The following RBBP4 variants were observed in gnomAD, a reference collection of about 807,000 sequenced individuals.
RBBP4 encodes RB binding protein 4, chromatin remodeling factor.
In RBBP4, 3 loss-of-function variants were observed where a neutral mutation model predicts 57.2. The observed-to-expected ratio is 0.05, with a 90% CI of 0.02 to 0.14. The LOEUF is 0.14. Among genes scored for constraint, RBBP4 ranks in the 10% least tolerant of loss-of-function variants. The pLI is 1.00. For missense variants in RBBP4, 107 were observed against 520.6 expected, an observed-to-expected ratio of 0.21 and a Z score of 7.73; for synonymous variants, 151 against 171.5, an observed-to-expected ratio of 0.88 and a Z score of 0.93.
chr1:32,678,592 TTTTTTTTTTTTTTTTG>T (rs1270778902), intron 11 of RBBP4, among the ~76,000 whole-genome samples: 33 of 103,712 alleles, frequency 3.2e-4, no homozygotes, highest in East Asian at 1.1e-3. Context: ...TTTTTTTTTT[TTTTTTTTTTTTTTTTG>T]GCACACAGTC....
chr1:32,651,814 C>T (rs575194124), intron 1 of RBBP4, 100 bp from the exon 2 acceptor site: 3 of 1,335,656 alleles, frequency 2.2e-6, no homozygotes, highest in African/African-American at 2.9e-5. Flanking sequence ...AAATCACCTC[C>T]ATTTCATGGT....
chr1:32,658,918 CAA>C (rs1193884605), intron 3 of RBBP4, among the ~76,000 whole-genome samples: 1 of 119,920 alleles, frequency 8.3e-6, no homozygotes, highest in African/African-American at 3.1e-5. Context: ...TAATTTTACA[CAA>C]TATAAATGTT....
chr1:32,653,696 T>G (rs1570831472), intron 2 of RBBP4, among the ~76,000 whole-genome samples: 1 of 120,712 alleles, frequency 8.3e-6, no homozygotes, highest in South Asian at 2.9e-4. Flanking sequence ...GTCTCCTCTC[T>G]TGCCCAGGCT....
rs752555047 is a variant in RBBP4 at position 32,672,535 on chromosome 1, T to C, written c.1043+9T>C. Reference sequence around the variant, plus strand: ...AATGTCTGGGATTTAAGGTAATTCTTGTATTCATTCCTCTCTCTACATAAT... The same window carrying C: ...AATGTCTGGGATTTAAGGTAATTCTCGTATTCATTCCTCTCTCTACATAAT... On this transcript the variant is annotated intron_variant, in intron 9 of 11. Transcript: ENST00000373493. The C allele has an allele frequency of 1.2e-6, 2 of 1,602,672 alleles. No individual in the cohort carries two copies. Among genetic ancestry groups the C allele is most frequent in the South Asian group, 1.1e-5 (1 of 90,780 alleles).
intron 3 of RBBP4, 98 bp from the exon 4 acceptor site, chr1:32,668,127 T>C (rs1648732969): frequency 4.3e-6 from 5 of 1,156,368 alleles, no homozygotes; most frequent in Non-Finnish European, 6.1e-6. Flanking sequence ...TGCCAGTTTG[T>C]TGCTAAGGAA....
chr1:32,669,667 G>C lies in RBBP4; in HGVS notation c.966+104G>C. 6.9e-7 allele frequency: 1 copy of C among 1,444,460 alleles called. No individual in the cohort carries two copies. The highest frequency in any genetic ancestry group is 2.7e-4 in the Middle Eastern group (1 of 3,744). 89.5% of individuals were successfully genotyped at this position (1,444,460 alleles called of 1,614,324 possible). The stretch of plus-strand genomic sequence containing the variant: ...GCACTTTGGGAGGCTGAAGCGGGCG[G>C]ATCACAAGGTCAGGAGATCGAGACC... On this transcript the variant is annotated intron_variant, in intron 8 of 11. Transcript: ENST00000373493. The surrounding 1 kb of genome is among the most constrained non-coding windows in gnomAD (Gnocchi z 4.9).
rs542506369 is a variant in RBBP4, at chr1:32,684,587, A to G, written c.*4882A>G. 1.5e-6 allele frequency: 1 copy of G among 669,980 alleles called. No homozygotes were observed. Among genetic ancestry groups the G allele is most frequent in the Non-Finnish European group, 2.4e-6 (1 of 417,984 alleles). The allele number at this position is 669,980 out of a possible 1,614,324, so 41.5% of individuals were successfully genotyped here. ...ACAATGCTTTTGAAAATGATGACGA[A>G]AAAGGCATCTTGTCTGTTAACCACA... is the stretch of plus-strand genomic sequence containing the variant. On this transcript the variant is annotated 3_prime_UTR_variant, in exon 12 of 12. Transcript: ENST00000373493.
rs1042801056 is a variant in RBBP4, at chr1:32,681,666, C to T, written c.*1961C>T. The T allele has an allele frequency of 2.5e-6, 2 of 811,720 alleles. No individual in the cohort carries two copies. Among genetic ancestry groups the T allele is most frequent in the African/African-American group, 3.5e-5 (2 of 57,806 alleles). The allele number at this position is 811,720 out of a possible 1,614,324, so 50.3% of individuals were successfully genotyped here. ...TCCAGCAAAGAGTTGACATGTTCTG[C>T]CTCCGGCCAACTCTAGAATCTTTTT... On this transcript the variant is annotated 3_prime_UTR_variant, in exon 12 of 12. Coordinates refer to ENST00000373493, the MANE Select transcript of RBBP4 (RefSeq NM_005610.3).
chr1:32,681,509 A>C lies in RBBP4; in HGVS notation c.*1804A>C. On this transcript the variant is annotated 3_prime_UTR_variant, in exon 12 of 12. Transcript: ENST00000373493. ...ACACAAGGCAAGATACATTCTTTAA[A>C]ATACTCCCAGATGTGTCCATACATT... The C allele has an allele frequency of 3.3e-6, 1 of 304,900 alleles. No homozygotes were observed. Among genetic ancestry groups the C allele is most frequent in the Non-Finnish European group, 6.0e-6 (1 of 166,742 alleles). 18.9% of individuals were successfully genotyped at this position (304,900 alleles called of 1,614,324 possible).
chr1:32,674,776 G>T (rs1200934554), intron 11 of RBBP4, among the ~76,000 whole-genome samples: 2 of 149,146 alleles, frequency 1.3e-5, no homozygotes, highest in East Asian at 2.0e-4. Flanking sequence ...CACCCAGGCT[G>T]GAGTTCAGTA....
intron 11 of RBBP4, among the ~76,000 whole-genome samples, chr1:32,674,887 C>G (rs959762165): frequency 2.0e-5 from 3 of 151,564 alleles, no homozygotes; most frequent in African/African-American, 2.4e-5. Flanking sequence ...ACCACCATGC[C>G]CGGCTAGTTT....
chr1:32,660,439 C>G (rs774413912), intron 3 of RBBP4, among the ~76,000 whole-genome samples: 56 of 9,424 alleles, frequency 5.9e-3, no homozygotes, highest in Admixed American at 0.018. Context: ...TTTTTTGAGT[C>G]GGAGTCTGGC....
chr1:32,658,361 T>TAAAAA (rs59613858), intron 3 of RBBP4, among the ~76,000 whole-genome samples: 1 of 142,032 alleles, frequency 7.0e-6, no homozygotes, highest in Non-Finnish European at 1.5e-5. Context: ...GGAGCAATAG[T>TAAAAA]AAAAAAAAAA....
At chr1:32,677,202 C>T (rs963213480) in intron 11 of RBBP4, among the ~76,000 whole-genome samples, 7 of 151,880 alleles carry the variant, frequency 4.6e-5, no homozygotes, top group African/African-American at 1.7e-4. Flanking sequence ...TTGGTGGGGC[C>T]CCTAGATAGC....
chr1:32,684,241 T>TAGC lies in RBBP4; in HGVS notation c.*4542_*4544dup, dbSNP rs769999667. On this transcript the variant is annotated 3_prime_UTR_variant, in exon 12 of 12. Coordinates refer to ENST00000373493, the MANE Select transcript of RBBP4 (RefSeq NM_005610.3). ...CAGCCAGTATTAGATGAGATTTGTATAGCAGCAGAAACTGACTTATAAGTA... is the reference window on the plus strand; with the variant it reads ...CAGCCAGTATTAGATGAGATTTGTATAGCAGCAGCAGAAACTGACTTATAAGTA... 1.2e-6 allele frequency: 2 copies of TAGC among 1,614,194 alleles called. No homozygotes were observed.
chr1:32,652,098 T>C, intron 2 of RBBP4, 37 bp downstream of exon 2: 1 of 1,585,480 alleles, frequency 6.3e-7, no homozygotes, highest in Non-Finnish European at 8.6e-7. Flanking sequence ...TTGATGTATT[T>C]TCAGTGTAGA....
intron 1 of RBBP4, chr1:32,651,542 C>G: frequency 8.0e-7 from 1 of 1,245,100 alleles, no homozygotes. Flanking sequence ...GGCCCCCGGC[C>G]AGTGTTTGTT....
chr1:32,652,761 T>G (rs369901490), intron 2 of RBBP4, among the ~76,000 whole-genome samples: 7 of 152,010 alleles, frequency 4.6e-5, no homozygotes, highest in Admixed American at 4.6e-4. Context: ...GACAGGCTGG[T>G]CTCCAACCCC....
In RBBP4 at chr1:32,672,896, C is replaced by G; in HGVS notation, c.1207C>G (p.Gln403Glu). ...VSEDNIMQVW[Q>E]MAENIYNDED... The stretch of plus-strand genomic sequence containing the variant: ...AGAAGACAATATCATGCAAGTGTGG[C>G]AAATGGTAAGGGTTTAGTAATTTAT... The change falls in exon 11 of 12, where the codon CAA (glutamine) becomes GAA (glutamate). Residue 403 changes from glutamine (Q) to glutamate (E), a missense_variant. By Grantham distance (29) the Gln-to-Glu change is conservative (BLOSUM62 2). Around this residue, in one of 3 missense-constraint regions of RBBP4, gnomAD observed 14 missense variants for 52.0 expected, o/e 0.27. Transcript: ENST00000373493. 1 of 1,605,504 alleles carries G rather than the reference C, an allele frequency of 6.2e-7. No homozygotes were observed. Among genetic ancestry groups the G allele is most frequent in the East Asian group, 2.2e-5 (1 of 44,818 alleles).
Sources: gnomAD v4.1 joint callset for allele counts (sites outside exome capture counted in the v4.1 genomes callset) on GRCh38, gnomAD v4.1.1 for gene constraint, gnomAD v4.1.1 regional missense constraint, Gnocchi (gnomAD v3.1) non-coding constraint, MANE v1.5 for transcripts, NCBI Gene and HGNC (gene_info 2026-07-23, HGNC 2026-07-21) for gene names.